Variants in NOX4 observed in about 807,000 individuals in gnomAD.
NOX4 encodes NADPH oxidase 4.
A neutral mutation model predicts 87.6 loss-of-function variants in NOX4; 69 were observed. The observed-to-expected ratio is 0.79, with a 90% CI of 0.65 to 0.96. The LOEUF (loss-of-function observed/expected upper bound fraction) is 0.96. Ranked by LOEUF, NOX4 falls within the 40% of genes least tolerant of loss-of-function variation. The pLI, the probability that NOX4 is intolerant of heterozygous loss-of-function variation, is 0.00. For synonymous variants in NOX4, 275 were observed against 238.2 expected, an observed-to-expected ratio of 1.15 and a Z score of -1.42; for missense variants, 680 against 681.5, an observed-to-expected ratio of 1.00 and a Z score of 0.02.
intron 2 of NOX4, among the ~76,000 whole-genome samples, chr11:89,460,163 A>G (rs1242137525): frequency 6.6e-6 from 1 of 152,236 alleles, no homozygotes; most frequent in Non-Finnish European, 1.5e-5. Context: ...AATTAATTCA[A>G]GATGGATTAA....
At chr11:89,443,390 A>C (rs1944541547) in intron 5 of NOX4, 1 of 151,634 alleles carries the variant, frequency 6.6e-6, no homozygotes. Flanking sequence ...AGTCTGCAGA[A>C]CAGGAAAATA....
upstream of NOX4, among the ~76,000 whole-genome samples, chr11:89,497,197 G>C (rs2135508562): frequency 6.6e-6 from 1 of 152,252 alleles, no homozygotes; most frequent in South Asian, 2.1e-4. Flanking sequence ...TGTGTCTATT[G>C]TTTATGATAT....
chr11:89,402,611 A>G (rs1375675052), intron 8 of NOX4, 69 bp from the exon 9 acceptor site: 63 of 1,232,484 alleles, frequency 5.1e-5, no homozygotes, highest in Non-Finnish European at 7.2e-5. Flanking sequence ...ACGGTAAAAG[A>G]AAATAATGTT....
the NOX4 span, among the ~76,000 whole-genome samples, chr11:89,547,344 C>A: frequency 6.6e-6 from 1 of 152,260 alleles, no homozygotes; most frequent in African/African-American, 2.4e-5. Flanking sequence ...GCAAGATGCT[C>A]TTTGTCAGCA....
chr11:89,578,806 G>T, the NOX4 span, among the ~76,000 whole-genome samples: 1 of 152,162 alleles, frequency 6.6e-6, no homozygotes, highest in Non-Finnish European at 1.5e-5. Context: ...ATTGTAATAT[G>T]AAATGTATTT....
At chr11:89,364,602 T>C (rs1410695633) in intron 12 of NOX4, among the ~76,000 whole-genome samples, 1 of 152,074 alleles carries the variant, frequency 6.6e-6, no homozygotes, top group Non-Finnish European at 1.5e-5. Flanking sequence ...GAGATGTATG[T>C]ACAACCAGAG....
chr11:89,499,224 CT>C (rs1946992282), upstream of NOX4: 8 of 152,270 alleles, frequency 5.3e-5, no homozygotes, highest in South Asian at 1.7e-3. Flanking sequence ...ACTTACACCC[CT>C]TGTCCTTTGG....
intron 17 of NOX4, among the ~76,000 whole-genome samples, 184 bp downstream of exon 17, chr11:89,335,661 T>C (rs1170180342): frequency 4.0e-5 from 6 of 151,868 alleles, no homozygotes; most frequent in African/African-American, 9.7e-5. Flanking sequence ...CTTTAATTAT[T>C]TGGAATTACA....
At chr11:89,538,149 G>A in the NOX4 span, among the ~76,000 whole-genome samples, 1 of 152,116 alleles carries the variant, frequency 6.6e-6, no homozygotes, top group African/African-American at 2.4e-5. Flanking sequence ...ATCAACATGG[G>A]GAAATGCACC....
the NOX4 span, among the ~76,000 whole-genome samples, chr11:89,510,313 G>T: frequency 6.6e-6 from 1 of 152,078 alleles, no homozygotes; most frequent in Non-Finnish European, 1.5e-5. Flanking sequence ...GAGATTAAAA[G>T]ATGCCCCAAG....
intron 2 of NOX4, among the ~76,000 whole-genome samples, chr11:89,469,159 T>C (rs1199703524): frequency 6.6e-6 from 1 of 152,196 alleles, no homozygotes; most frequent in East Asian, 1.9e-4. Flanking sequence ...GCAAATTAAC[T>C]TTCAAATGAA....
At chr11:89,539,296 G>A in the NOX4 span, among the ~76,000 whole-genome samples, 4 of 152,000 alleles carry the variant, frequency 2.6e-5, no homozygotes, top group Non-Finnish European at 5.9e-5. Flanking sequence ...TCCAGGCGTG[G>A]TGGCATGCAC....
At chr11:89,495,145 G>T (rs1395749764), upstream of NOX4, among the ~76,000 whole-genome samples, 2 of 151,968 alleles carry the variant, frequency 1.3e-5, no homozygotes, top group South Asian at 2.1e-4. Flanking sequence ...GTTTGGTTTT[G>T]TTTTTTGTTT....
At chr11:89,525,659 A>G in the NOX4 span, among the ~76,000 whole-genome samples, 2 of 151,964 alleles carry the variant, frequency 1.3e-5, no homozygotes, top group South Asian at 2.1e-4. Context: ...CTTTTCTCCC[A>G]TTTTGTAACT....
intron 6 of NOX4, among the ~76,000 whole-genome samples, chr11:89,433,141 A>C (rs1004737557): frequency 6.6e-6 from 1 of 152,140 alleles, no homozygotes; most frequent in Non-Finnish European, 1.5e-5. Context: ...ATATCCATCC[A>C]TCATCTCAAA....
At chr11:89,474,932 G>C (rs1946100507) in intron 2 of NOX4, among the ~76,000 whole-genome samples, 2 of 151,536 alleles carry the variant, frequency 1.3e-5, no homozygotes, top group African/African-American at 4.8e-5. Flanking sequence ...TGAAAACAGA[G>C]GGGGTATTCT....
intron 12 of NOX4, among the ~76,000 whole-genome samples, chr11:89,373,012 T>C (rs759507375): frequency 6.6e-6 from 1 of 151,896 alleles, no homozygotes; most frequent in Non-Finnish European, 1.5e-5. Flanking sequence ...AGTTGCCCTA[T>C]ATACTGGAAC....
the NOX4 span, among the ~76,000 whole-genome samples, chr11:89,507,079 A>G: frequency 6.6e-6 from 1 of 151,986 alleles, no homozygotes; most frequent in Admixed American, 6.6e-5. Context: ...TTTTTCACAA[A>G]TGCCTAGGGA....
At chr11:89,394,807 C>T (rs1322998206) in intron 11 of NOX4, among the ~76,000 whole-genome samples, 2 of 152,122 alleles carry the variant, frequency 1.3e-5, no homozygotes, top group Non-Finnish European at 2.9e-5. Flanking sequence ...CCAGCTTCAT[C>T]CATGGCCCTA....
Sources: gnomAD v4.1 joint callset for allele counts (sites outside exome capture counted in the v4.1 genomes callset) on GRCh38, gnomAD v4.1.1 for gene constraint, MANE v1.5 for transcripts, NCBI Gene and HGNC (gene_info 2026-07-23, HGNC 2026-07-21) for gene names.